The following USP36 variants were observed in gnomAD, a reference collection of about 807,000 sequenced individuals.
USP36 encodes the protein ubiquitin carboxyl-terminal hydrolase 36.
A neutral mutation model predicts 111.5 loss-of-function variants in USP36; 59 were observed. The observed-to-expected ratio is 0.53, with a 90% CI of 0.43 to 0.66. The LOEUF (loss-of-function observed/expected upper bound fraction) is 0.66. USP36 is among the 30% of genes least tolerant of loss of function. The pLI is 0.00. For missense variants in USP36, 1,488 were observed against 1,468.0 expected, an observed-to-expected ratio of 1.01 and a Z score of -0.22; for synonymous variants, 628 against 581.0, an observed-to-expected ratio of 1.08 and a Z score of -1.16.
In USP36 at chr17:78,797,654, C is replaced by G. The variant is rs1486947669; in HGVS notation, c.*246G>C. On this transcript the variant is annotated 3_prime_UTR_variant, in exon 21 of 21. Coordinates refer to ENST00000449938, the MANE Select transcript of USP36 (RefSeq NM_001385174.1). Reference sequence around the variant, plus strand: ...ATGTCCAGCAGGTGTGCGGCCACCTCTGCTCACACACACACTGTCGTTTCT... The same window carrying G: ...ATGTCCAGCAGGTGTGCGGCCACCTGTGCTCACACACACACTGTCGTTTCT... 6.6e-6 allele frequency: 1 copy of G among 152,370 alleles called. No homozygotes were observed. The highest frequency in any genetic ancestry group is 2.4e-5 in the African/African-American group (1 of 41,456). 9.4% of individuals were successfully genotyped at this position (152,370 alleles called of 1,614,324 possible). A position where few individuals can be genotyped will look rare whatever the true frequency, so the allele number is the denominator to read the frequency against.
At chr17:78,805,616 G>A (rs373820856) in intron 15 of USP36, among the ~76,000 whole-genome samples, 3 of 152,276 alleles carry the variant, frequency 2.0e-5, no homozygotes, top group South Asian at 2.1e-4. Flanking sequence ...CCTAAGAGAC[G>A]CAGGCAGCCC....
In USP36 at chr17:78,798,810, C is replaced by G. The variant is rs577222312; in HGVS notation, c.3240+98G>C. 6.9e-7 allele frequency: 1 copy of G among 1,444,634 alleles called. No homozygotes were observed. 89.5% of individuals were successfully genotyped at this position (1,444,634 alleles called of 1,614,324 possible). A position where few individuals can be genotyped will look rare whatever the true frequency, so the allele number is the denominator to read the frequency against. ...CAGCCTGGCTCTTCTCATGCTCGGCCGCTTCATGCCACTGCCGCCACCTCC... is the reference window on the plus strand; with the variant it reads ...CAGCCTGGCTCTTCTCATGCTCGGCGGCTTCATGCCACTGCCGCCACCTCC... On this transcript the variant is annotated intron_variant, in intron 19 of 20. Transcript: ENST00000449938. This position sits in a 1 kb window ranked among gnomAD's most constrained non-coding sequence, Gnocchi z 5.1.
chr17:78,827,230 T>TGG lies in USP36; in HGVS notation c.689+13_689+14dup. On this transcript the variant is annotated intron_variant, in intron 6 of 20. Transcript: ENST00000449938. ...GTGTCCAAAGCCCTGGGAGGGTGGGTGGGGAAGCACGCACTTGGCACAGCC... is the reference window on the plus strand; with the variant it reads ...GTGTCCAAAGCCCTGGGAGGGTGGGTGGGGGGAAGCACGCACTTGGCACAGCC... The TGG allele has an allele frequency of 2.9e-6, 2 of 678,610 alleles. No homozygotes were observed. The allele number at this position is 678,610 out of a possible 1,614,324, so 42.0% of individuals were successfully genotyped here.
chr17:78,824,160 C>A (rs1323051532), intron 6 of USP36, among the ~76,000 whole-genome samples: 5 of 152,092 alleles, frequency 3.3e-5, no homozygotes, highest in Non-Finnish European at 5.9e-5. Flanking sequence ...AGGAGCGCAC[C>A]AGAGGTGCCA....
In USP36 at chr17:78,812,868, T is replaced by C. The variant is rs1301659080; in HGVS notation, c.1399A>G (p.Thr467Ala). 1.2e-6 allele frequency: 2 copies of C among 1,613,194 alleles called. No individual in the cohort carries two copies. The highest frequency in any genetic ancestry group is 2.7e-5 in the African/African-American group (2 of 74,878). ...IGNGIISSPLTGKRQDSGTMK... is the reference protein window; with the variant it reads ...IGNGIISSPLAGKRQDSGTMK... ...ATCATTCTCACAAATACCTTTCCAG[T>C]CAGTGGGGAGGAAATAATCCCATTG... is the stretch of plus-strand genomic sequence containing the variant. The change falls in exon 13 of 21, where the codon ACT becomes GCT. Residue 467 changes from threonine (T) to alanine (A), a missense_variant. Thr to Ala is a moderately conservative substitution (Grantham distance 58, BLOSUM62 0). Coordinates refer to ENST00000449938, the MANE Select transcript of USP36 (RefSeq NM_001385174.1).
rs749475768 is a variant in USP36 at position 78,802,501 on chromosome 17, T to C, written c.2845A>G (p.Met949Val). The C allele has an allele frequency of 1.9e-6, 3 of 1,608,042 alleles. No individual in the cohort carries two copies. The highest frequency in any genetic ancestry group is 2.5e-6 in the Non-Finnish European group (3 of 1,179,888). The change falls in exon 17 of 21, where the codon ATG becomes GTG. Residue 949 changes from methionine (M) to valine (V), a missense_variant. Met to Val is a conservative substitution (Grantham distance 21). Coordinates refer to ENST00000449938, the MANE Select transcript of USP36 (RefSeq NM_001385174.1). Reference sequence around the variant, plus strand: ...TTCTTTTTCCTTGGAGACTCTTCCATGGCCTCTGGATCACCATCACCCATG... The same window carrying C: ...TTCTTTTTCCTTGGAGACTCTTCCACGGCCTCTGGATCACCATCACCCATG... ...SPMGDGDPEAMEESPRKKKKK... is the reference protein window; with the variant it reads ...SPMGDGDPEAVEESPRKKKKK...
chr17:78,788,929 G>A (rs1224876100), intron 3 of USP36, among the ~76,000 whole-genome samples: 5 of 152,112 alleles, frequency 3.3e-5, no homozygotes, highest in Admixed American at 6.5e-5. Flanking sequence ...GCCAGGTGCG[G>A]TGACTCACGC....
chr17:78,794,347 C>A (rs2093606133), downstream of USP36, among the ~76,000 whole-genome samples: 1 of 152,206 alleles, frequency 6.6e-6, no homozygotes, highest in Admixed American at 6.5e-5. Flanking sequence ...ACAAAACCTG[C>A]CCTGCGCTTT....
chr17:78,827,787 TA>T (rs2067704093), intron 5 of USP36, among the ~76,000 whole-genome samples: 1 of 152,172 alleles, frequency 6.6e-6, no homozygotes, highest in East Asian at 1.9e-4. Context: ...CATGTGCCTG[TA>T]GTCCCAGCTA....
At chr17:78,834,989 T>C (rs2068512962) in intron 4 of USP36, among the ~76,000 whole-genome samples, 1 of 87,490 alleles carries the variant, frequency 1.1e-5, no homozygotes, top group African/African-American at 7.5e-5. Context: ...TCTAAAAAAA[T>C]AATATTTGTA....
At chr17:78,837,760 C>T (rs926021611) in intron 2 of USP36, among the ~76,000 whole-genome samples, 1 of 152,202 alleles carries the variant, frequency 6.6e-6, no homozygotes, top group Admixed American at 6.5e-5. Flanking sequence ...CTCTGGTATT[C>T]AGTACCCAGC....
rs2093802848 is a variant in USP36, at chr17:78,803,309, A to C, written c.2810+76T>G. 23 of 1,473,546 alleles carry C rather than the reference A, an allele frequency of 1.6e-5. No homozygotes were observed. The highest frequency in any genetic ancestry group is 2.0e-5 in the Non-Finnish European group (21 of 1,076,872). The allele number at this position is 1,473,546 out of a possible 1,614,324, so 91.3% of individuals were successfully genotyped here. On this transcript the variant is annotated intron_variant, in intron 16 of 20. Coordinates refer to ENST00000449938, the MANE Select transcript of USP36 (RefSeq NM_001385174.1). This position sits in a 1 kb window ranked among gnomAD's most constrained non-coding sequence, Gnocchi z 4.6. The stretch of plus-strand genomic sequence containing the variant: ...CAGACTACGTTTCCAGACCATACCT[A>C]CTTGGGGGTAGATTCTGTGGTTTTG...
rs149099006 is a variant in USP36, at chr17:78,807,063, T to G, written c.1981A>C (p.Lys661Gln). 1.2e-5 allele frequency: 20 copies of G among 1,614,230 alleles called. No homozygotes were observed. In the African/African-American group the frequency reaches 2.4e-4, roughly 19 times the overall value. The stretch of plus-strand genomic sequence containing the variant: ...ACAGGGGACTTCAGCTTCACCGTCT[T>G]AGAATCTGCTCCACTTGGCGGCGTT... ...SKTPPSGADSKTVKLKSPVLS... is the reference protein window; with the variant it reads ...SKTPPSGADSQTVKLKSPVLS... Residue 661 changes from lysine (K) to glutamine (Q), a missense_variant, in exon 14 of 21, where the codon AAG (lysine) becomes CAG (glutamine). Transcript: ENST00000449938.
Position 78,807,007 on chromosome 17 carries a change from G to A in USP36, c.2037C>T (p.Ser679=), listed in dbSNP as rs1281432607. The A allele has an allele frequency of 6.8e-6, 11 of 1,614,122 alleles. No individual in the cohort carries two copies. The highest frequency in any genetic ancestry group is 9.3e-6 in the Non-Finnish European group (11 of 1,180,046). ...TTTTGGCTGGTGGAGGAGACATGGT[G>A]CTTGCAGGCTCAGTGGTGGTGTTGC... is the stretch of plus-strand genomic sequence containing the variant. ...VLSNTTTEPA[S]TMSPPPAKKL... Residue 679 remains serine, a synonymous_variant, in exon 14 of 21, where the codon AGC becomes AGT. Coordinates refer to ENST00000449938, the MANE Select transcript of USP36 (RefSeq NM_001385174.1).
In USP36 at chr17:78,819,922, A is replaced by T. The variant is rs1363572737; in HGVS notation, c.911+8T>A. The T allele has an allele frequency of 6.2e-7, 1 of 1,613,774 alleles. No homozygotes were observed. The highest frequency in any genetic ancestry group is 8.5e-7 in the Non-Finnish European group (1 of 1,179,852). On this transcript the variant is annotated splice_region_variant and intron_variant, in intron 9 of 20. Coordinates refer to ENST00000449938, the MANE Select transcript of USP36 (RefSeq NM_001385174.1). The stretch of plus-strand genomic sequence containing the variant: ...TCAGTCTTCTGCCACAAGCAACGTG[A>T]AACTTACTTAGCACACATGTAGGCA...
chr17:78,801,779 G>A (rs1031526869), intron 17 of USP36, among the ~76,000 whole-genome samples: 3 of 152,304 alleles, frequency 2.0e-5, no homozygotes, highest in African/African-American at 7.2e-5. Flanking sequence ...GGGAGTTCAG[G>A]GAGTCATTCC....
Position 78,812,935 on chromosome 17 carries a change from G to C in USP36, c.1332C>G (p.Gly444=), listed in dbSNP as rs1322971967. ...AGTGATCTGGAATCACACTCGGGCG[G>C]CCGGGAAGGGAGGAGGAGCCTGTCC... ...ISRTGSSSLP[G]RPSVIPDHSK... Residue 444 remains glycine (G), a synonymous_variant, in exon 13 of 21, where the codon GGC becomes GGG. Transcript: ENST00000449938. 11 of 1,613,920 alleles carry C rather than the reference G, an allele frequency of 6.8e-6. No individual in the cohort carries two copies. The highest frequency in any genetic ancestry group is 3.3e-4 in the Middle Eastern group (2 of 6,062).
intron 13 of USP36, among the ~76,000 whole-genome samples, chr17:78,808,932 AT>A (rs893162731): frequency 5.3e-5 from 8 of 152,020 alleles, no homozygotes; most frequent in Non-Finnish European, 1.5e-5. Flanking sequence ...TACAAGGCTA[AT>A]TTTCTGGAAA....
chr17:78,822,904 T>C (rs2094364605), intron 6 of USP36, among the ~76,000 whole-genome samples: 1 of 152,014 alleles, frequency 6.6e-6, no homozygotes, highest in Admixed American at 6.6e-5. Flanking sequence ...ACCCACTCCC[T>C]CCAGAAGAGC....
Sources: gnomAD v4.1 joint callset for allele counts (sites outside exome capture counted in the v4.1 genomes callset) on GRCh38, gnomAD v4.1.1 for gene constraint, Gnocchi (gnomAD v3.1) non-coding constraint, MANE v1.5 for transcripts, NCBI Gene and HGNC (gene_info 2026-07-23, HGNC 2026-07-21) for gene names.